Variants in DCLK2 observed in about 807,000 individuals in gnomAD.
DCLK2 encodes doublecortin like kinase 2.
A neutral mutation model predicts 78.4 loss-of-function variants in DCLK2; 31 were observed. The observed-to-expected ratio is 0.40, with a 90% CI of 0.30 to 0.53. DCLK2 has a LOEUF of 0.53. Ranked by LOEUF, DCLK2 falls within the 20% of genes least tolerant of loss-of-function variation. DCLK2 has a pLI of 0.61. For missense variants in DCLK2, 872 were observed against 973.7 expected (o/e 0.90, Z 1.39); for synonymous variants, 407 against 374.9 (o/e 1.09, Z -0.99).
intron 1 of DCLK2, among the ~76,000 whole-genome samples, chr4:150,089,397 A>T (rs528304933): frequency 6.6e-6 from 1 of 152,202 alleles, no homozygotes; most frequent in Non-Finnish European, 1.5e-5. Context: ...CTTTTGAGGA[A>T]AGTTTTGCCT....
At position 150,141,964 on chromosome 4, in the gene DCLK2, C is replaced by T. The variant is rs531249141; in HGVS notation, c.756+39152C>T. Among the ~76,000 whole-genome samples the T allele has an allele frequency of 1.2e-3, 188 of 152,240 alleles. 1 individual carries two copies. The highest frequency in any genetic ancestry group is 1.3e-3 in the Non-Finnish European group (91 of 68,010). On this transcript the variant is annotated intron_variant, in intron 2 of 15. Coordinates refer to ENST00000296550, the MANE Select transcript of DCLK2 (RefSeq NM_001040260.4). ...CCCTACTTTGAAGTTTAATGCTTGA[C>T]ATATTAAATGCTTCAGATCTCTTTC...
intron 8 of DCLK2, among the ~76,000 whole-genome samples, chr4:150,226,501 A>G (rs995816874): frequency 2.0e-5 from 3 of 151,226 alleles, no homozygotes; most frequent in Non-Finnish European, 4.4e-5. Context: ...GTAGAACTAC[A>G]TTAAAAATTT....
intron 1 of DCLK2, among the ~76,000 whole-genome samples, chr4:150,086,508 T>C (rs1431021077): frequency 1.6e-3 from 6 of 3,672 alleles, no homozygotes; most frequent in South Asian, 7.9e-3. Flanking sequence ...TTCTTTTTAT[T>C]TTTTTTTTTT....
intron 1 of DCLK2, among the ~76,000 whole-genome samples, chr4:150,091,989 G>A (rs1054033886): frequency 6.6e-6 from 1 of 151,902 alleles, no homozygotes; most frequent in African/African-American, 2.4e-5. Flanking sequence ...TCACCCCCTG[G>A]CAAACACTAT....
In DCLK2 at chr4:150,240,418, A is replaced by G; in HGVS notation, c.1720A>G (p.Ile574Val). 1.2e-6 allele frequency: 2 copies of G among 1,613,782 alleles called. No homozygotes were observed. Among genetic ancestry groups the G allele is most frequent in the South Asian group, 1.1e-5 (1 of 91,028 alleles). The change falls in exon 12 of 16, where the codon ATT (isoleucine) becomes GTT (valine). Residue 574 changes from isoleucine to valine, a missense_variant. Ile to Val is a conservative substitution (Grantham distance 29). Coordinates refer to ENST00000296550, the MANE Select transcript of DCLK2 (RefSeq NM_001040260.4). ...AETGYGLKVD[I>V]WAAGVITYIL... ...TCCTAGCTATGGCCTGAAGGTGGAC[A>G]TTTGGGCAGCTGGTGTGATCACATA...
At chr4:150,253,470 A>C (rs1487807870) in intron 15 of DCLK2, 1 of 1,289,608 alleles carries the variant, frequency 7.8e-7, no homozygotes, top group Admixed American at 2.3e-5. Flanking sequence ...ATTTTGTTTG[A>C]CAGTTTGATT....
intron 2 of DCLK2, among the ~76,000 whole-genome samples, chr4:150,168,548 G>A (rs1323196422): frequency 6.6e-6 from 1 of 152,078 alleles, no homozygotes. Flanking sequence ...TTCTGAGGAG[G>A]TAAGAATTGA....
intron 5 of DCLK2, among the ~76,000 whole-genome samples, chr4:150,205,644 T>G (rs943116731): frequency 1.3e-5 from 2 of 152,264 alleles, no homozygotes; most frequent in Non-Finnish European, 2.9e-5. Flanking sequence ...CTAATTATTT[T>G]CAGATTTTTC....
intron 1 of DCLK2, among the ~76,000 whole-genome samples, chr4:150,086,785 C>T (rs1357470106): frequency 6.6e-6 from 1 of 151,988 alleles, no homozygotes; most frequent in African/African-American, 2.4e-5. Context: ...GGATTACAGG[C>T]GTGAACCACC....
At chr4:150,139,798 A>G (rs899818676) in intron 2 of DCLK2, among the ~76,000 whole-genome samples, 2 of 152,220 alleles carry the variant, frequency 1.3e-5, no homozygotes, top group Admixed American at 6.5e-5. Flanking sequence ...AGCTAATGCC[A>G]TTTTGAGTCA....
At chr4:150,080,094 C>T (rs1411471276) in intron 1 of DCLK2, among the ~76,000 whole-genome samples, 1 of 144,626 alleles carries the variant, frequency 6.9e-6, no homozygotes, top group African/African-American at 2.5e-5. Flanking sequence ...GTGGGTTAGG[C>T]GTCTGGAGTC....
At chr4:150,185,895 A>T (rs1484266293) in intron 2 of DCLK2, among the ~76,000 whole-genome samples, 3 of 152,190 alleles carry the variant, frequency 2.0e-5, no homozygotes, top group Non-Finnish European at 2.9e-5. Context: ...CTAGTGAAGG[A>T]TAGAAAAATT....
chr4:150,083,682 C>T (rs939162212), intron 1 of DCLK2, among the ~76,000 whole-genome samples: 10 of 152,116 alleles, frequency 6.6e-5, no homozygotes, highest in African/African-American at 2.4e-4. Flanking sequence ...TCATGAGTTA[C>T]AAGGTATTTG....
intron 2 of DCLK2, among the ~76,000 whole-genome samples, chr4:150,145,289 G>A (rs967621064): frequency 6.6e-6 from 1 of 152,170 alleles, no homozygotes; most frequent in Non-Finnish European, 1.5e-5. Flanking sequence ...GGTTTACTGG[G>A]AGGCAAGTTG....
intron 1 of DCLK2, among the ~76,000 whole-genome samples, chr4:150,080,111 G>GGCC (rs1729138253): frequency 7.7e-6 from 1 of 129,552 alleles, no homozygotes; most frequent in Non-Finnish European, 1.8e-5. Flanking sequence ...AGTCTCAAAA[G>GGCC]CCCCCCCCCC....
intron 5 of DCLK2, among the ~76,000 whole-genome samples, chr4:150,212,823 A>G (rs941351220): frequency 1.3e-5 from 2 of 152,230 alleles, no homozygotes; most frequent in South Asian, 4.1e-4. Context: ...TTAAACTTAA[A>G]TGCCCCATTA....
chr4:150,232,570 C>T (rs1029138415), intron 9 of DCLK2, 112 bp from the exon 10 acceptor site: 16 of 1,525,744 alleles, frequency 1.0e-5, no homozygotes, highest in South Asian at 7.3e-5. Context: ...TTATAATCGC[C>T]GATTTTAGTG....
intron 2 of DCLK2, among the ~76,000 whole-genome samples, chr4:150,169,709 A>G (rs747872542): frequency 1.9e-4 from 29 of 151,908 alleles, no homozygotes; most frequent in Admixed American, 3.9e-4. Context: ...CAGTGTGGGC[A>G]CACAGCATTT....
Position 150,078,977 on chromosome 4 carries a change from C to T in DCLK2, c.-51C>T, listed in dbSNP as rs749536521. On this transcript the variant is annotated 5_prime_UTR_variant, in exon 1 of 16. Transcript: ENST00000296550. ...AGACGTCCCTGCACCGGCGCTCGCA[C>T]CCTTAGTCGGCCCGGAACGTCTTTT... The T allele has an allele frequency of 6.7e-7, 1 of 1,493,764 alleles. No homozygotes were observed. Among genetic ancestry groups the T allele is most frequent in the Non-Finnish European group, 8.9e-7 (1 of 1,123,960 alleles). The allele number at this position is 1,493,764 out of a possible 1,614,324, so 92.5% of individuals were successfully genotyped here.
Sources: gnomAD v4.1 joint callset for allele counts (sites outside exome capture counted in the v4.1 genomes callset) on GRCh38, gnomAD v4.1.1 for gene constraint, MANE v1.5 for transcripts, NCBI Gene and HGNC (gene_info 2026-07-23, HGNC 2026-07-21) for gene names.